Variants in NOS3 observed in about 807,000 individuals in gnomAD.
NOS3 encodes nitric oxide synthase 3.
A neutral mutation model predicts 144.9 loss-of-function variants in NOS3; 98 were observed. The observed-to-expected ratio is 0.68, with a 90% CI of 0.57 to 0.80. The LOEUF (loss-of-function observed/expected upper bound fraction) is 0.80. NOS3 is among the 30% of genes least tolerant of loss of function. The pLI, the probability that NOS3 is intolerant of heterozygous loss-of-function variation, is 0.00. For synonymous variants in NOS3, 714 were observed against 702.4 expected, an observed-to-expected ratio of 1.02 and a Z score of -0.26; for missense variants, 1,465 against 1,656.4, an observed-to-expected ratio of 0.88 and a Z score of 2.01.
In NOS3 at chr7:151,013,873, C is replaced by T. The variant is rs753475124; in HGVS notation, c.3405C>T (p.Gly1135=). The change falls in exon 26 of 27, where the codon GGC becomes GGT. Residue 1135 remains glycine, a synonymous_variant. Coordinates refer to ENST00000297494, the MANE Select transcript of NOS3 (RefSeq NM_000603.5). ...QTVQRILATE[G]DMELDEAGDV... is the part of the protein sequence containing the mutation. Reference sequence around the variant, plus strand: ...TGCAGCGCATCCTGGCGACGGAGGGCGACATGGAGCTGGACGAGGCCGGCG... The same window carrying T: ...TGCAGCGCATCCTGGCGACGGAGGGTGACATGGAGCTGGACGAGGCCGGCG... 16 of 1,602,550 alleles carry T rather than the reference C, an allele frequency of 1.0e-5. No homozygotes were observed. The highest frequency in any genetic ancestry group is 5.6e-5 in the South Asian group (5 of 89,472).
Position 150,993,212 on chromosome 7 carries a change from T to C in NOS3, c.-51-541T>C, listed in dbSNP as rs1183693502. Among the ~76,000 whole-genome samples the C allele has an allele frequency of 6.6e-6, 1 of 152,120 alleles. No individual in the cohort carries two copies. The highest frequency in any genetic ancestry group is 2.4e-5 in the African/African-American group (1 of 41,414). ...CAAGGACAAAAAGTCACTACATCCT[T>C]GCTGGGCCTCTATCCCCAAGAACCC... On this transcript the variant is annotated intron_variant, in intron 1 of 26. Transcript: ENST00000297494. This position sits in a 1 kb window ranked among gnomAD's most constrained non-coding sequence, Gnocchi z 4.0.
At chr7:151,006,239 G>A (rs1246428069) in intron 14 of NOS3, among the ~76,000 whole-genome samples, 188 bp from the exon 15 acceptor site, 1 of 152,184 alleles carries the variant, frequency 6.6e-6, no homozygotes, top group Admixed American at 6.5e-5. Flanking sequence ...GGTGGTCTTT[G>A]TCTTATCACT....
chr7:151,005,616 G>T (rs1367784731), intron 14 of NOS3, among the ~76,000 whole-genome samples: 1 of 152,182 alleles, frequency 6.6e-6, no homozygotes, highest in Non-Finnish European at 1.5e-5. Flanking sequence ...CCCAACAAGT[G>T]GGGATTCAGC....
Position 150,998,395 on chromosome 7 carries a change from G to A in NOS3, c.621G>A (p.Met207Ile), listed in dbSNP as rs769000909. 4 of 1,612,516 alleles carry A rather than the reference G, an allele frequency of 2.5e-6. No homozygotes were observed. The highest frequency in any genetic ancestry group is 1.7e-5 in the Admixed American group (1 of 59,992). Residue 207 changes from methionine (M) to isoleucine (I), a missense_variant, in exon 6 of 27, where the codon ATG becomes ATA. Met to Ile is a conservative substitution (Grantham distance 10, BLOSUM62 1). Coordinates refer to ENST00000297494, the MANE Select transcript of NOS3 (RefSeq NM_000603.5). The surrounding 1 kb of genome is among the most constrained non-coding windows in gnomAD (Gnocchi z 5.0). ...GGGACTGCAGGTCTGCACAGGAAAT[G>A]TTCACCTACATCTGCAACCACATCA... ...DARDCRSAQEMFTYICNHIKY... is the reference protein window; with the variant it reads ...DARDCRSAQEIFTYICNHIKY...
At chr7:151,013,134 C>A in intron 24 of NOS3, 97 bp from the exon 25 acceptor site, 4 of 1,367,528 alleles carry the variant, frequency 2.9e-6, no homozygotes, top group Non-Finnish European at 1.0e-6. Flanking sequence ...CAGCCCAAAA[C>A]GCTGGGCTGC....
chr7:151,012,216 T>G, intron 23 of NOS3, 135 bp from the exon 24 acceptor site: 2 of 706,482 alleles, frequency 2.8e-6, no homozygotes, highest in East Asian at 2.9e-5. Context: ...GAGTTGTTTT[T>G]TGTTTTTTGT....
rs3918235 is a variant in NOS3 at position 151,011,835 on chromosome 7, G to A, written c.2985-516G>A. 1.3e-3 allele frequency: 576 copies of A among 444,548 alleles called. 1 individual carries two copies. Among genetic ancestry groups the A allele is most frequent in the Non-Finnish European group, 1.8e-3 (398 of 221,568 alleles). 27.5% of individuals were successfully genotyped at this position (444,548 alleles called of 1,614,324 possible). A position where few individuals can be genotyped will look rare whatever the true frequency, so the allele number is the denominator to read the frequency against. Reference sequence around the variant, plus strand: ...CACCGCGCCCGGACCGAGGGTGAAGGATTTTAAGAGACCCTTCCTTCATGC... The same window carrying A: ...CACCGCGCCCGGACCGAGGGTGAAGAATTTTAAGAGACCCTTCCTTCATGC... On this transcript the variant is annotated intron_variant, in intron 23 of 26. Coordinates refer to ENST00000297494, the MANE Select transcript of NOS3 (RefSeq NM_000603.5).
chr7:151,013,131 A>C (rs1795342816), intron 24 of NOS3, 100 bp from the exon 25 acceptor site: 1 of 1,361,152 alleles, frequency 7.3e-7, no homozygotes, highest in African/African-American at 1.4e-5. Context: ...TTTCAGCCCA[A>C]AACGCTGGGC....
intron 3 of NOS3, 32 bp downstream of exon 3, chr7:150,995,346 C>G (rs763625041): frequency 2.0e-6 from 3 of 1,496,784 alleles, no homozygotes; most frequent in Middle Eastern, 1.7e-4. Context: ...CCCATCGTCT[C>G]CAGGGAAAGG....
At position 151,001,359 on chromosome 7, in the gene NOS3, C is replaced by T; in HGVS notation, c.1362C>T (p.Gly454=). Residue 454 remains glycine, a synonymous_variant, in exon 11 of 27, where the codon GGC becomes GGT. Transcript: ENST00000297494. ...CCTGGATCGTGCCCCCCATCTCGGG[C>T]AGCCTCACTCCTGTTTTCCATCAGG... is the stretch of plus-strand genomic sequence containing the variant. ...DWAWIVPPIS[G]SLTPVFHQEM... The T allele has an allele frequency of 6.2e-7, 1 of 1,612,740 alleles. No homozygotes were observed. The highest frequency in any genetic ancestry group is 1.1e-5 in the South Asian group (1 of 90,988).
intron 24 of NOS3, 60 bp downstream of exon 24, chr7:151,012,532 T>C: frequency 1.3e-6 from 2 of 1,556,644 alleles, no homozygotes; most frequent in South Asian, 1.2e-5. Flanking sequence ...GACAGAGGGG[T>C]GGGGCTGGAA....
At chr7:151,000,387 C>A in intron 9 of NOS3, 111 bp from the exon 10 acceptor site, 1 of 729,792 alleles carries the variant, frequency 1.4e-6, no homozygotes, top group Non-Finnish European at 2.4e-6. Flanking sequence ...TCCCAATGGA[C>A]ACCACTCACC....
chr7:150,998,718 G>A lies in NOS3; in HGVS notation c.816+38G>A, dbSNP rs1316342388. 1.9e-6 allele frequency: 3 copies of A among 1,581,462 alleles called. No homozygotes were observed. Among genetic ancestry groups the A allele is most frequent in the East Asian group, 2.3e-5 (1 of 43,940 alleles). On this transcript the variant is annotated intron_variant, in intron 7 of 26. Transcript: ENST00000297494. The surrounding 1 kb of genome is among the most constrained non-coding windows in gnomAD (Gnocchi z 5.0). ...GGCCACCCATGAGGGTGTCCCCAAG[G>A]TGGAGAATGAGGAAACCAGTGGGAG...
At position 150,995,298 on chromosome 7, in the gene NOS3, G is replaced by A. The variant is rs1802349327; in HGVS notation, c.254G>A (p.Ser85Asn). 6.2e-7 allele frequency: 1 copy of A among 1,610,328 alleles called. No individual in the cohort carries two copies. The highest frequency in any genetic ancestry group is 8.5e-7 in the Non-Finnish European group (1 of 1,178,260). Residue 85 changes from serine to asparagine, a missense_variant, in exon 3 of 27, where the codon AGC becomes AAC. Physicochemically the swap from Ser to Asn is conservative, Grantham distance 46. Transcript: ENST00000297494. ...GGGAGCATCACCTATGACACCCTCA[G>A]CGCCCAGGCGCAGCAGGTAAGGCCG... Reference protein sequence around the residue: ...EVGSITYDTLSAQAQQDGPCT... With the variant: ...EVGSITYDTLNAQAQQDGPCT...
At chr7:151,000,828 T>A (rs564531486) in intron 10 of NOS3, among the ~76,000 whole-genome samples, 1 of 152,154 alleles carries the variant, frequency 6.6e-6, no homozygotes, top group East Asian at 1.9e-4. Flanking sequence ...GGGACCTTGC[T>A]GTTTACTGCA....
At position 151,009,289 on chromosome 7, in the gene NOS3, C is replaced by A. The variant is rs3918198; in HGVS notation, c.2324+22C>A. The stretch of plus-strand genomic sequence containing the variant: ...CCACGTGAGGACGACGGCTTTACCG[C>A]CCCCCCACCCCTGTCCTGAACACCC... On this transcript the variant is annotated intron_variant, in intron 19 of 26. Transcript: ENST00000297494. The A allele has an allele frequency of 3.9e-3, 6,146 of 1,580,730 alleles. 194 individuals are homozygous for A. The African/African-American group carries it at 0.069, about 18-fold the overall frequency.
At position 151,013,243 on chromosome 7, in the gene NOS3, C is replaced by T. The variant is rs1795346062; in HGVS notation, c.3119C>T (p.Thr1040Ile). ...GGGTTGCTTGCAGGGCTGCAGCCCA[C>T]TCCCATGACTTTGGTGTTCGGCTGC... ...HDIESKGLQP[T>I]PMTLVFGCRC... The change falls in exon 25 of 27, where the codon ACT (threonine) becomes ATT (isoleucine). Residue 1040 changes from threonine to isoleucine, a missense_variant. Thr to Ile is a moderately conservative substitution (Grantham distance 89, BLOSUM62 -1). This residue lies in a region of NOS3 where 106 missense variants were observed against 167.7 expected (regional missense o/e 0.63). Coordinates refer to ENST00000297494, the MANE Select transcript of NOS3 (RefSeq NM_000603.5). 6 of 1,613,422 alleles carry T rather than the reference C, an allele frequency of 3.7e-6. No homozygotes were observed. Among genetic ancestry groups the T allele is most frequent in the Middle Eastern group, 1.7e-4 (1 of 6,056 alleles).
intron 24 of NOS3, chr7:151,013,003 C>A: frequency 1.8e-6 from 1 of 552,204 alleles, no homozygotes; most frequent in Non-Finnish European, 3.2e-6. Flanking sequence ...TAGCGCAGCT[C>A]CACCAGGGGC....
At chr7:151,008,275 CACA>C (rs1348530072) in intron 17 of NOS3, among the ~76,000 whole-genome samples, 1 of 152,036 alleles carries the variant, frequency 6.6e-6, no homozygotes, top group Non-Finnish European at 1.5e-5. Flanking sequence ...TCACACGCAC[CACA>C]AAAGAAAGAT....
Sources: allele counts gnomAD v4.1 joint callset (sites outside exome capture counted in the v4.1 genomes callset), GRCh38; gene constraint gnomAD v4.1.1; regional missense constraint gnomAD v4.1.1; non-coding constraint Gnocchi (gnomAD v3.1); transcripts MANE v1.5; gene names NCBI Gene and HGNC (gene_info 2026-07-23, HGNC 2026-07-21).